SVEP1: variants seen among roughly 807,000 people sequenced by gnomAD.
The protein encoded by SVEP1 is sushi, von Willebrand factor type A, EGF and pentraxin domain-containing protein 1.
In SVEP1, 164 loss-of-function variants were observed where a neutral mutation model predicts 367.3. That is an observed-to-expected ratio of 0.45 (90% CI 0.39 to 0.51). SVEP1 has a LOEUF of 0.51. Ranked by LOEUF, SVEP1 falls within the 20% of genes least tolerant of loss-of-function variation. The pLI, the probability that SVEP1 is intolerant of heterozygous loss-of-function variation, is 0.00. For missense variants in SVEP1, 4,117 were observed against 4,425.3 expected (o/e 0.93, Z 1.98); for synonymous variants, 1,666 against 1,611.6 (o/e 1.03, Z -0.81).
At chr9:110,559,667 A>T (rs188407793) in intron 1 of SVEP1, among the ~76,000 whole-genome samples, 11 of 152,252 alleles carry the variant, frequency 7.2e-5, no homozygotes, top group Non-Finnish European at 1.6e-4. Flanking sequence ...AAGCCTTAAA[A>T]TTTTCACATG....
At chr9:110,447,900 T>G (rs182876637) in intron 24 of SVEP1, among the ~76,000 whole-genome samples, 23 of 152,052 alleles carry the variant, frequency 1.5e-4, no homozygotes, top group African/African-American at 2.9e-4. Flanking sequence ...GCAATTGAAA[T>G]GAACAAACCA....
chr9:110,450,447 C>T (rs1229497440), intron 23 of SVEP1, among the ~76,000 whole-genome samples, 187 bp from the exon 24 acceptor site: 2 of 146,184 alleles, frequency 1.4e-5, no homozygotes, highest in African/African-American at 5.1e-5. Flanking sequence ...TTTTTGTGGA[C>T]TCTGAGTTTT....
chr9:110,526,344 A>G (rs1438763044), intron 3 of SVEP1, among the ~76,000 whole-genome samples: 1 of 152,122 alleles, frequency 6.6e-6, no homozygotes, highest in Non-Finnish European at 1.5e-5. Flanking sequence ...AGAAAAACAA[A>G]AACAACAATT....
At position 110,574,084 on chromosome 9, in the gene SVEP1, G is replaced by C. The variant is rs975037448; in HGVS notation, c.531+4929C>G. On this transcript the variant is annotated intron_variant, in intron 1 of 47. Coordinates refer to ENST00000374469, the MANE Select transcript of SVEP1 (RefSeq NM_153366.4). ...ACACCAAATAATAATCATTTAAAAA[G>C]AGAAGCAACACTGTTAATCCTTTTT... 1.3e-5 allele frequency among the ~76,000 whole-genome samples: 2 copies of C among 152,198 alleles called. 1 individual carries two copies. Among genetic ancestry groups the C allele is most frequent in the Admixed American group, 1.3e-4 (2 of 15,286 alleles).
chr9:110,379,410 C>T lies in SVEP1; in HGVS notation c.10345G>A (p.Glu3449Lys), dbSNP rs1333896756. 8 of 1,613,706 alleles carry T rather than the reference C, an allele frequency of 5.0e-6. No individual in the cohort carries two copies. Among genetic ancestry groups the T allele is most frequent in the Non-Finnish European group, 6.8e-6 (8 of 1,179,798 alleles). The part of the protein sequence containing the change: ...TYSCYSGYML[E>K]GFLRSVCLEN... The stretch of plus-strand genomic sequence containing the variant: ...AAACAAACACTCCTCAGGAAACCCT[C>T]CAACATGTATCCACTGTAACATGAG... Residue 3449 changes from glutamate (E) to lysine (K), a missense_variant, in exon 44 of 48, where the codon GAG (glutamate) becomes AAG (lysine). Physicochemically the swap from Glu to Lys is moderately conservative, Grantham distance 56 (BLOSUM62 1). This residue lies in a region of SVEP1 where 1,765 missense variants were observed against 1,781.1 expected (regional missense o/e 0.99). Transcript: ENST00000374469.
chr9:110,486,389 C>G (rs10817031), intron 9 of SVEP1, among the ~76,000 whole-genome samples: 129,810 of 152,208 alleles, frequency 0.85, 55,485 homozygotes, highest in East Asian at 0.99. Context: ...AAAGGAGAGG[C>G]ACAGCCCACT....
At position 110,524,197 on chromosome 9, in the gene SVEP1, T is replaced by C. The variant is rs369818475; in HGVS notation, c.965-10091A>G. Among the ~76,000 whole-genome samples, 227 of 152,288 alleles carry C rather than the reference T, an allele frequency of 1.5e-3. 2 individuals carry two copies. In the Middle Eastern group the frequency reaches 0.024, roughly 16 times the overall value. ...AATATCCAGGTCCAAATGATTTCAG[T>C]GGAGAATTCTGCCAAACATTTGCCA... On this transcript the variant is annotated intron_variant, in intron 3 of 47. Transcript: ENST00000374469.
At chr9:110,427,353 C>T (rs1828269963) in intron 36 of SVEP1, among the ~76,000 whole-genome samples, 1 of 149,608 alleles carries the variant, frequency 6.7e-6, no homozygotes, top group East Asian at 1.9e-4. Context: ...TTTTTCACTG[C>T]ATTGCCCAAT....
chr9:110,416,690 TA>T (rs1225632891), intron 36 of SVEP1, among the ~76,000 whole-genome samples: 1 of 151,964 alleles, frequency 6.6e-6, no homozygotes, highest in Non-Finnish European at 1.5e-5. Flanking sequence ...TGAATGACAA[TA>T]AATACACCAT....
intron 1 of SVEP1, among the ~76,000 whole-genome samples, chr9:110,573,397 T>A (rs1830588479): frequency 7.5e-6 from 1 of 132,998 alleles, no homozygotes; most frequent in Non-Finnish European, 1.7e-5. Context: ...GGTGTGAATA[T>A]CTACTAGTGT....
At chr9:110,550,478 T>C (rs1830270814) in intron 1 of SVEP1, among the ~76,000 whole-genome samples, 1 of 148,844 alleles carries the variant, frequency 6.7e-6, no homozygotes, top group South Asian at 2.2e-4. Context: ...ATTCCACAAA[T>C]TATCTATCTA....
At chr9:110,390,201 A>ATG (rs1827619441) in intron 40 of SVEP1, among the ~76,000 whole-genome samples, 1 of 125,440 alleles carries the variant, frequency 8.0e-6, no homozygotes, top group Non-Finnish European at 1.6e-5. Context: ...TTATATAAGT[A>ATG]TGTATGTATA....
intron 7 of SVEP1, 61 bp from the exon 8 acceptor site, chr9:110,496,994 G>T: frequency 9.0e-7 from 1 of 1,115,526 alleles, no homozygotes; most frequent in Non-Finnish European, 1.3e-6. Flanking sequence ...GATCATTTAA[G>T]GAAGAGGTAC....
In SVEP1 at chr9:110,471,440, G is replaced by A. The variant is rs10980402; in HGVS notation, c.2922C>T (p.Ala974=). The stretch of plus-strand genomic sequence containing the variant: ...TTTTTGTTTCTAATGAATTGCTGTC[G>A]GCTATAAGTATTTCTGATGCAAGCT... The part of the protein sequence containing the change: ...SFQLASEILI[A]DSNSLETKKA... The change falls in exon 16 of 48, where the codon GCC becomes GCT. Residue 974 remains alanine, a synonymous_variant. Transcript: ENST00000374469. The A allele has an allele frequency of 0.18, 290,814 of 1,613,406 alleles. 30,026 individuals carry two copies. The highest frequency in any genetic ancestry group is 0.45 in the East Asian group (20,320 of 44,830).
chr9:110,532,000 T>C (rs1172239352), intron 3 of SVEP1, among the ~76,000 whole-genome samples: 4 of 152,164 alleles, frequency 2.6e-5, no homozygotes, highest in African/African-American at 4.8e-5. Flanking sequence ...CCAGGGTCAG[T>C]AGACTTGTTC....
chr9:110,465,883 T>C lies in SVEP1; in HGVS notation c.3304A>G (p.Asn1102Asp). ...TGATAACCTCCACATGCAGAAATGTTCACGGCTCCTCTTTTCACAGTTGAG... is the reference window on the plus strand; with the variant it reads ...TGATAACCTCCACATGCAGAAATGTCCACGGCTCCTCTTTTCACAGTTGAG... Reference protein sequence around the residue: ...NTSTVKRGAVNISACGVPCPE... With the variant: ...NTSTVKRGAVDISACGVPCPE... Residue 1102 changes from asparagine (N) to aspartate (D), a missense_variant, in exon 18 of 48, where the codon AAC becomes GAC. By Grantham distance (23) the Asn-to-Asp change is conservative. This residue lies in a region of SVEP1 where 2,174 missense variants were observed against 2,494.3 expected (regional missense o/e 0.87). Transcript: ENST00000374469. The C allele has an allele frequency of 1.2e-6, 2 of 1,613,044 alleles. No homozygotes were observed. The highest frequency in any genetic ancestry group is 1.7e-6 in the Non-Finnish European group (2 of 1,179,470).
chr9:110,423,136 T>TAAAAAAAAAAAAAA (rs367835046), intron 36 of SVEP1, among the ~76,000 whole-genome samples: 1 of 73,076 alleles, frequency 1.4e-5, no homozygotes, highest in African/African-American at 4.8e-5. Flanking sequence ...ATAATAATAA[T>TAAAAAAAAAAAAAA]AAAAAAAAAA....
At chr9:110,569,339 C>T (rs887854087) in intron 1 of SVEP1, among the ~76,000 whole-genome samples, 2 of 151,800 alleles carry the variant, frequency 1.3e-5, no homozygotes, top group African/African-American at 4.8e-5. Flanking sequence ...GCCTGTAATC[C>T]CAGCTACTTG....
chr9:110,365,837 T>G lies in SVEP1; in HGVS notation c.*702A>C, dbSNP rs1176308186. On this transcript the variant is annotated 3_prime_UTR_variant, in exon 48 of 48. Transcript: ENST00000374469. ...GCCACGAGAAAGAAGGCTAGCACTT[T>G]CATTGTGAACCAAGGTCATTATGCT... 1 of 152,360 alleles carries G rather than the reference T, an allele frequency of 6.6e-6. No individual in the cohort carries two copies. Among genetic ancestry groups the G allele is most frequent in the East Asian group, 1.9e-4 (1 of 5,186 alleles). The allele number at this position is 152,360 out of a possible 1,614,324, so 9.4% of individuals were successfully genotyped here. A position where few individuals can be genotyped will look rare whatever the true frequency, so the allele number is the denominator to read the frequency against.
Sources: gnomAD v4.1 joint callset for allele counts (sites outside exome capture counted in the v4.1 genomes callset) on GRCh38, gnomAD v4.1.1 for gene constraint, gnomAD v4.1.1 regional missense constraint, MANE v1.5 for transcripts, NCBI Gene and HGNC (gene_info 2026-07-23, HGNC 2026-07-21) for gene names.